The following LMBR1 variants were observed in gnomAD, a reference collection of about 807,000 sequenced individuals.
LMBR1 encodes limb development membrane protein 1, also known as limb region 1 protein homolog.
Under a neutral mutation model 73.9 loss-of-function variants are expected in LMBR1, and 52 were observed. The ratio of observed to expected loss-of-function variants is 0.70; its 90% CI spans 0.56 to 0.89. LMBR1 has a LOEUF of 0.89. Ranked by LOEUF, LMBR1 falls within the 40% of genes least tolerant of loss-of-function variation. The pLI is 0.00. For synonymous variants in LMBR1, 215 were observed against 209.4 expected, an observed-to-expected ratio of 1.03 and a Z score of -0.23; for missense variants, 539 against 579.8, an observed-to-expected ratio of 0.93 and a Z score of 0.72.
At position 156,680,919 on chromosome 7, in the gene LMBR1, A is replaced by G; in HGVS notation, c.*3159T>C. On this transcript the variant is annotated 3_prime_UTR_variant, in exon 17 of 17. Coordinates refer to ENST00000353442, the MANE Select transcript of LMBR1 (RefSeq NM_022458.4). ...AACTTTTAATTTCTAAGACATTTAA[A>G]AAGTCACACTAAAAGTATCTCATAG... 4.1e-6 allele frequency: 1 copy of G among 244,910 alleles called. No homozygotes were observed. Among genetic ancestry groups the G allele is most frequent in the Non-Finnish European group, 7.9e-6 (1 of 126,204 alleles). 15.2% of individuals were successfully genotyped at this position (244,910 alleles called of 1,614,324 possible).
At chr7:156,885,518 G>A (rs1401088975) in intron 1 of LMBR1, among the ~76,000 whole-genome samples, 1 of 152,140 alleles carries the variant, frequency 6.6e-6, no homozygotes, top group Non-Finnish European at 1.5e-5. Context: ...GGGAAGCTGA[G>A]GCAGGAGGAT....
At chr7:156,725,552 C>A (rs1251068728) in intron 13 of LMBR1, 27 bp from the exon 14 acceptor site, 2 of 1,489,008 alleles carry the variant, frequency 1.3e-6, no homozygotes, top group Non-Finnish European at 1.8e-6. Context: ...AAAAAACTCT[C>A]CAACAGAATG....
At chr7:156,812,722 C>T (rs1351309870) in intron 4 of LMBR1, among the ~76,000 whole-genome samples, 3 of 152,166 alleles carry the variant, frequency 2.0e-5, no homozygotes, top group Non-Finnish European at 4.4e-5. Flanking sequence ...CTACGGAAAA[C>T]GTTCGAACTG....
chr7:156,708,236 GA>G (rs1811376421), intron 15 of LMBR1, among the ~76,000 whole-genome samples: 1 of 152,118 alleles, frequency 6.6e-6, no homozygotes, highest in Non-Finnish European at 1.5e-5. Context: ...GATGTACCAG[GA>G]AAACAAAGAA....
chr7:156,807,607 G>C (rs773155563), intron 4 of LMBR1, among the ~76,000 whole-genome samples: 8 of 151,966 alleles, frequency 5.3e-5, no homozygotes, highest in Non-Finnish European at 1.0e-4. Context: ...CAATTTCAGT[G>C]TTCTTCTTGG....
intron 9 of LMBR1, among the ~76,000 whole-genome samples, chr7:156,752,477 G>C (rs1229181381): frequency 2.6e-5 from 4 of 152,324 alleles, no homozygotes; most frequent in Non-Finnish European, 5.9e-5. Context: ...CCTTGAATCA[G>C]TGAGAAGAGA....
chr7:156,745,382 T>C (rs370977065), intron 9 of LMBR1, among the ~76,000 whole-genome samples: 2 of 152,192 alleles, frequency 1.3e-5, no homozygotes, highest in Non-Finnish European at 1.5e-5. Context: ...TTTTTCTCTA[T>C]CCACCTCTGT....
intron 4 of LMBR1, among the ~76,000 whole-genome samples, chr7:156,811,949 G>A (rs78074861): frequency 0.032 from 4,841 of 152,240 alleles, 123 homozygotes; most frequent in South Asian, 0.085. Flanking sequence ...GCTTGCTGAT[G>A]CCCTTATTCC....
chr7:156,739,781 A>G (rs1275135496), intron 9 of LMBR1, among the ~76,000 whole-genome samples: 1 of 152,212 alleles, frequency 6.6e-6, no homozygotes, highest in African/African-American at 2.4e-5. Flanking sequence ...AAAGACAGGC[A>G]CATACAAGCC....
At chr7:156,839,318 G>T (rs1838231087) in intron 1 of LMBR1, among the ~76,000 whole-genome samples, 1 of 151,938 alleles carries the variant, frequency 6.6e-6, no homozygotes, top group South Asian at 2.1e-4. Flanking sequence ...TAAAGTGCTG[G>T]GATTACAGGT....
At chr7:156,823,023 A>C (rs985820419) in intron 4 of LMBR1, 4 of 152,292 alleles carry the variant, frequency 2.6e-5, no homozygotes, top group Non-Finnish European at 4.4e-5. Context: ...GAGGCAGGAG[A>C]ATCGCTTGAA....
Position 156,725,852 on chromosome 7 carries a change from A to G in LMBR1, c.994-15T>C, listed in dbSNP as rs1250627941. 6 of 1,605,242 alleles carry G rather than the reference A, an allele frequency of 3.7e-6. No individual in the cohort carries two copies. The highest frequency in any genetic ancestry group is 4.3e-6 in the Non-Finnish European group (5 of 1,175,476). ...ATTCCAGGCCCCTGGGGTGGGAGAA[A>G]GACACTTTTCAGAATTTGATGACAC... On this transcript the variant is annotated splice_polypyrimidine_tract_variant and intron_variant, in intron 12 of 16. Transcript: ENST00000353442.
chr7:156,751,135 C>T (rs897099090), intron 9 of LMBR1, among the ~76,000 whole-genome samples: 1 of 152,022 alleles, frequency 6.6e-6, no homozygotes, highest in East Asian at 1.9e-4. Context: ...ATAAATAAAT[C>T]CCTGGAGTTC....
chr7:156,836,812 C>T lies in LMBR1; in HGVS notation c.139+1G>A. ...GTTTTAATTGACATGTTTCCACTTG[C>T]CTGATTTTCTCTTGTATCTTGTGAT... On this transcript the variant is annotated splice_donor_variant, in intron 2 of 16. Transcript: ENST00000353442. LOFTEE classifies it high-confidence loss of function. 1 of 1,563,872 alleles carries T rather than the reference C, an allele frequency of 6.4e-7. No individual in the cohort carries two copies. Among genetic ancestry groups the T allele is most frequent in the South Asian group, 1.2e-5 (1 of 85,658 alleles).
chr7:156,744,299 T>C (rs1040517610), intron 9 of LMBR1, among the ~76,000 whole-genome samples: 18 of 151,774 alleles, frequency 1.2e-4, no homozygotes, highest in Non-Finnish European at 2.4e-4. Flanking sequence ...TGTTGATCTC[T>C]CTCTTCTTTG....
intron 4 of LMBR1, among the ~76,000 whole-genome samples, chr7:156,801,160 T>C (rs1830887697): frequency 6.6e-6 from 1 of 152,202 alleles, no homozygotes; most frequent in Non-Finnish European, 1.5e-5. Context: ...TCAAACAGCA[T>C]CACATGCTAC....
intron 9 of LMBR1, among the ~76,000 whole-genome samples, chr7:156,750,694 A>C (rs1430876633): frequency 6.6e-6 from 1 of 152,214 alleles, no homozygotes; most frequent in Non-Finnish European, 1.5e-5. Flanking sequence ...TATGGGACAA[A>C]TGTTTACCAC....
At chr7:156,876,993 A>C (rs1161501928) in intron 1 of LMBR1, among the ~76,000 whole-genome samples, 1 of 151,884 alleles carries the variant, frequency 6.6e-6, no homozygotes, top group African/African-American at 2.4e-5. Flanking sequence ...AATGAAACTG[A>C]AACAAACAAA....
chr7:156,863,717 C>T (rs890768501), intron 1 of LMBR1, among the ~76,000 whole-genome samples: 16 of 151,980 alleles, frequency 1.1e-4, no homozygotes, highest in Non-Finnish European at 2.4e-4. Context: ...TTTATTTTAG[C>T]CATTCTCTGA....
Sources: allele counts gnomAD v4.1 joint callset (sites outside exome capture counted in the v4.1 genomes callset), GRCh38; gene constraint gnomAD v4.1.1; transcripts MANE v1.5; gene names NCBI Gene and HGNC (gene_info 2026-07-23, HGNC 2026-07-21).